The following XRRA1 variants were observed in gnomAD, a reference collection of about 807,000 sequenced individuals.
XRRA1 encodes X-ray radiation resistance associated 1, also known as X-ray radiation resistance-associated protein 1.
In XRRA1, 69 loss-of-function variants were observed where a neutral mutation model predicts 80.2. The observed-to-expected ratio is 0.86, with a 90% CI of 0.71 to 1.05. The LOEUF (loss-of-function observed/expected upper bound fraction) is 1.05, where lower values mean the gene tolerates loss of function less well. XRRA1 is among the 50% of genes least tolerant of loss of function. The probability of loss-of-function intolerance (pLI) is 0.00; values close to 1 mark genes in which losing one functional copy is unlikely to be tolerated. For synonymous variants in XRRA1, 348 were observed against 389.9 expected (o/e 0.89, Z 1.27); for missense variants, 967 against 976.4 (o/e 0.99, Z 0.13).
intron 10 of XRRA1, among the ~76,000 whole-genome samples, chr11:74,878,634 T>A (rs1444042109): frequency 1.3e-5 from 2 of 149,524 alleles, no homozygotes; most frequent in East Asian, 3.9e-4. Flanking sequence ...TTGAATTGAT[T>A]TTTGTATAAG....
chr11:74,852,168 C>T (rs992995355), intron 12 of XRRA1, 86 bp from the exon 13 acceptor site: 1 of 1,119,996 alleles, frequency 8.9e-7, no homozygotes, highest in Non-Finnish European at 1.4e-6. Flanking sequence ...TGCAGGGCTA[C>T]ATGCTTGCTA....
rs576936982 is a variant in XRRA1 at position 74,897,948 on chromosome 11, C to A, written c.1003+8291G>T. 2.6e-5 allele frequency among the ~76,000 whole-genome samples: 4 copies of A among 152,174 alleles called. No homozygotes were observed. In the South Asian group the frequency reaches 6.2e-4, roughly 24 times the overall value. On this transcript the variant is annotated intron_variant, in intron 10 of 18. Transcript: ENST00000684022. ...CAAAACTCACTGGTAATACTAAGCA[C>A]ACAGAAAAACACAAAATAGCATAAT...
At chr11:74,870,663 G>T (rs2044576563) in intron 10 of XRRA1, among the ~76,000 whole-genome samples, 1 of 152,124 alleles carries the variant, frequency 6.6e-6, no homozygotes, top group Non-Finnish European at 1.5e-5. Flanking sequence ...GTATTTCAAG[G>T]TCTACAGCAC....
intron 10 of XRRA1, among the ~76,000 whole-genome samples, chr11:74,869,625 G>T (rs1450511335): frequency 6.6e-6 from 1 of 152,208 alleles, no homozygotes; most frequent in Non-Finnish European, 1.5e-5. Flanking sequence ...CAGAGGACCT[G>T]CCTGCATATT....
chr11:74,906,268 A>G lies in XRRA1; in HGVS notation c.974T>C (p.Leu325Pro). 1 of 1,613,974 alleles carries G rather than the reference A, an allele frequency of 6.2e-7. No homozygotes were observed. Among genetic ancestry groups the G allele is most frequent in the Non-Finnish European group, 8.5e-7 (1 of 1,179,882 alleles). Residue 325 changes from leucine to proline, a missense_variant, in exon 10 of 19, where the codon CTG (leucine) becomes CCG (proline). By Grantham distance (98) the Leu-to-Pro change is moderately conservative. Transcript: ENST00000684022. Reference protein sequence around the residue: ...DSDEQLDYTVLPMKKDVDRTE... With the variant: ...DSDEQLDYTVPPMKKDVDRTE... ...CCGGTCAACATCCTTTTTCATGGGC[A>G]GTACAGTATAATCCAGTTGCTCATC...
At chr11:74,909,242 G>A (rs935031687) in intron 8 of XRRA1, among the ~76,000 whole-genome samples, 2 of 152,176 alleles carry the variant, frequency 1.3e-5, no homozygotes, top group Admixed American at 6.5e-5. Context: ...AGAGAAGGCA[G>A]GAAGCTTTTA....
At chr11:74,947,291 C>T (rs1019719702) in intron 1 of XRRA1, among the ~76,000 whole-genome samples, 1 of 152,008 alleles carries the variant, frequency 6.6e-6, no homozygotes, top group East Asian at 1.9e-4. Flanking sequence ...TTTGGGAGGC[C>T]GAAGCAGACG....
intron 11 of XRRA1, among the ~76,000 whole-genome samples, chr11:74,861,210 C>T (rs978080240): frequency 2.0e-5 from 3 of 152,200 alleles, no homozygotes; most frequent in Admixed American, 1.3e-4. Flanking sequence ...TCATTTATAG[C>T]TGGGGTCCCC....
intron 10 of XRRA1, among the ~76,000 whole-genome samples, chr11:74,883,334 C>T (rs973286774): frequency 1.8e-4 from 27 of 152,190 alleles, no homozygotes; most frequent in East Asian, 1.9e-4. Context: ...ACCCCTTGCG[C>T]TTCCCAAGTG....
At chr11:74,936,639 C>A (rs1471544230) in intron 4 of XRRA1, among the ~76,000 whole-genome samples, 1 of 152,232 alleles carries the variant, frequency 6.6e-6, no homozygotes, top group African/African-American at 2.4e-5. Context: ...GTTTTCCCAT[C>A]TGCCCAATGG....
At chr11:74,943,489 G>A (rs951905286) in intron 2 of XRRA1, among the ~76,000 whole-genome samples, 2 of 151,310 alleles carry the variant, frequency 1.3e-5, no homozygotes, top group African/African-American at 4.9e-5. Context: ...GTGAGTGAGT[G>A]AAGAAAGCTG....
chr11:74,897,394 C>A (rs576725527), intron 10 of XRRA1, among the ~76,000 whole-genome samples: 21 of 152,004 alleles, frequency 1.4e-4, no homozygotes, highest in African/African-American at 5.1e-4. Context: ...AAGCACAAAT[C>A]TAATGGCCTT....
chr11:74,931,089 G>GA (rs1943432353), intron 5 of XRRA1, among the ~76,000 whole-genome samples: 1 of 151,742 alleles, frequency 6.6e-6, no homozygotes, highest in Admixed American at 6.6e-5. Context: ...TTACAGGCGT[G>GA]AGCCACTGCA....
rs548639297 is a variant in XRRA1, at chr11:74,848,039, G to A, written c.1728+76C>T. ...TGCTTGTTGCTCCCAGCTGTCCACA[G>A]CAATCGAGCCTAAGGGCTGCACAGG... On this transcript the variant is annotated intron_variant, in intron 15 of 18. Transcript: ENST00000684022. 3.8e-6 allele frequency: 5 copies of A among 1,332,648 alleles called. No homozygotes were observed. The Admixed American group carries it at 6.5e-5, about 17-fold the overall frequency. The allele number at this position is 1,332,648 out of a possible 1,614,324, so 82.6% of individuals were successfully genotyped here. A position where few individuals can be genotyped will look rare whatever the true frequency, so the allele number is the denominator to read the frequency against.
intron 2 of XRRA1, among the ~76,000 whole-genome samples, chr11:74,944,587 T>C (rs1947126231): frequency 6.6e-6 from 1 of 152,212 alleles, no homozygotes; most frequent in Non-Finnish European, 1.5e-5. Flanking sequence ...TGGAGGCTTG[T>C]CTTATGTATT....
intron 10 of XRRA1, among the ~76,000 whole-genome samples, chr11:74,873,966 G>A (rs1590839571): frequency 6.6e-6 from 1 of 151,870 alleles, no homozygotes; most frequent in Non-Finnish European, 1.5e-5. Context: ...GGCCAGGCAC[G>A]GTGGCTCACA....
rs1018926630 is a variant in XRRA1 at position 74,841,447 on chromosome 11, C to T, written c.*1753G>A. On this transcript the variant is annotated 3_prime_UTR_variant, in exon 19 of 19. Coordinates refer to ENST00000684022, the MANE Select transcript of XRRA1 (RefSeq NM_001378157.1). ...AAGAGACTAAGATATATGCAAGGGT[C>T]ACCAGTTTAGAGATCAGTCAAATTG... 1.3e-5 allele frequency: 2 copies of T among 152,136 alleles called. No individual in the cohort carries two copies. The highest frequency in any genetic ancestry group is 2.9e-5 in the Non-Finnish European group (2 of 68,020). The allele number at this position is 152,136 out of a possible 1,614,324, so 9.4% of individuals were successfully genotyped here. A position where few individuals can be genotyped will look rare whatever the true frequency, so the allele number is the denominator to read the frequency against.
chr11:74,856,925 C>T (rs763357869), intron 12 of XRRA1, among the ~76,000 whole-genome samples: 1 of 152,194 alleles, frequency 6.6e-6, no homozygotes, highest in Non-Finnish European at 1.5e-5. Context: ...AGGAAACCAA[C>T]CTGGGCCTAG....
intron 8 of XRRA1, among the ~76,000 whole-genome samples, chr11:74,920,531 G>C (rs1363335785): frequency 6.6e-6 from 1 of 152,192 alleles, no homozygotes. Flanking sequence ...GTAGGGAAAG[G>C]AGGAAGGTCT....
Sources: allele counts gnomAD v4.1 joint callset (sites outside exome capture counted in the v4.1 genomes callset), GRCh38; gene constraint gnomAD v4.1.1; transcripts MANE v1.5; gene names NCBI Gene and HGNC (gene_info 2026-07-23, HGNC 2026-07-21).